Variants in SERINC5 observed in about 807,000 individuals in gnomAD.
SERINC5 encodes the protein serine incorporator 5, also known as chromosome 5 open reading frame 12.
In SERINC5, 41 loss-of-function variants were observed where a neutral mutation model predicts 63.1. The ratio of observed to expected loss-of-function variants is 0.65; its 90% CI spans 0.51 to 0.84. SERINC5 has a LOEUF of 0.84. Among genes scored for constraint, SERINC5 ranks in the 40% least tolerant of loss-of-function variants. The pLI is 0.00. For synonymous variants in SERINC5, 222 were observed against 215.2 expected, an observed-to-expected ratio of 1.03 and a Z score of -0.28; for missense variants, 523 against 573.0, an observed-to-expected ratio of 0.91 and a Z score of 0.89.
chr5:80,198,234 T>C (rs1404716233), intron 2 of SERINC5, among the ~76,000 whole-genome samples: 1 of 152,146 alleles, frequency 6.6e-6, no homozygotes, highest in East Asian at 1.9e-4. Flanking sequence ...GCAAAATAAA[T>C]AGCCCTTATG....
chr5:80,123,769 C>T (rs2112239452), intron 11 of SERINC5, among the ~76,000 whole-genome samples: 1 of 152,298 alleles, frequency 6.6e-6, no homozygotes, highest in South Asian at 2.1e-4. Flanking sequence ...CAGGGTCCAT[C>T]AGTATTGACC....
intron 1 of SERINC5, among the ~76,000 whole-genome samples, chr5:80,247,502 T>G (rs1752216620): frequency 6.6e-6 from 1 of 152,186 alleles, no homozygotes; most frequent in African/African-American, 2.4e-5. Context: ...TCAGACTTGC[T>G]GCAGTCCAAA....
chr5:80,175,700 C>G (rs1433069497), intron 4 of SERINC5, among the ~76,000 whole-genome samples: 1 of 151,246 alleles, frequency 6.6e-6, no homozygotes, highest in African/African-American at 2.4e-5. Flanking sequence ...GAAACCCTGA[C>G]TCTACTTAAA....
At chr5:80,153,276 G>T (rs6894288) in intron 8 of SERINC5, among the ~76,000 whole-genome samples, 30,525 of 151,834 alleles carry the variant, frequency 0.2, 3,160 homozygotes, top group South Asian at 0.33. Context: ...TAGCCAACAT[G>T]GTGAGACCCT....
chr5:80,227,221 A>C (rs184233077), intron 1 of SERINC5, among the ~76,000 whole-genome samples: 1 of 152,320 alleles, frequency 6.6e-6, no homozygotes. Flanking sequence ...TAATCAGAAA[A>C]AATTTTATAA....
rs370455555 is a variant in SERINC5 at position 80,178,872 on chromosome 5, ACACT to A, written c.196-812_196-809del. ...ATGTGTGTGTATACATATATACAACACACTCACATATACATATACATACACAACA... is the reference window on the plus strand; with the variant it reads ...ATGTGTGTGTATACATATATACAACACACATATACATATACATACACAACA... On this transcript the variant is annotated intron_variant, in intron 2 of 11. Transcript: ENST00000507668. Among the ~76,000 whole-genome samples the A allele has an allele frequency of 8.9e-3, 1,353 of 152,250 alleles. 15 individuals carry two copies. The highest frequency in any genetic ancestry group is 0.031 in the African/African-American group (1,279 of 41,528).
chr5:80,236,714 CG>C (rs1278734445), intron 1 of SERINC5, among the ~76,000 whole-genome samples: 1 of 151,698 alleles, frequency 6.6e-6, no homozygotes, highest in East Asian at 1.9e-4. Flanking sequence ...TCAGTAGAGG[CG>C]GGGGTTTCAC....
chr5:80,142,542 T>C lies in SERINC5; in HGVS notation c.*1121A>G. On this transcript the variant is annotated 3_prime_UTR_variant, in exon 12 of 12. Coordinates refer to ENST00000507668, the MANE Select transcript of SERINC5 (RefSeq NM_001174072.3). ...TTCCACACATTGCCTAACAAGCTTCTTCTGGTCAGTGTGTCTGAGATCCTC... is the reference window on the plus strand; with the variant it reads ...TTCCACACATTGCCTAACAAGCTTCCTCTGGTCAGTGTGTCTGAGATCCTC... The C allele has an allele frequency of 5.1e-6, 5 of 985,456 alleles. No individual in the cohort carries two copies. The highest frequency in any genetic ancestry group is 4.8e-6 in the Non-Finnish European group (4 of 829,948). The allele number at this position is 985,456 out of a possible 1,614,324, so 61.0% of individuals were successfully genotyped here. A position where few individuals can be genotyped will look rare whatever the true frequency, so the allele number is the denominator to read the frequency against.
Position 80,141,150 on chromosome 5 carries a change from T to A in SERINC5, c.*2513A>T, listed in dbSNP as rs1042635127. 66 of 985,178 alleles carry A rather than the reference T, an allele frequency of 6.7e-5. No individual in the cohort carries two copies. The highest frequency in any genetic ancestry group is 5.2e-4 in the Middle Eastern group (1 of 1,936). 61.0% of individuals were successfully genotyped at this position (985,178 alleles called of 1,614,324 possible). On this transcript the variant is annotated 3_prime_UTR_variant, in exon 12 of 12. Transcript: ENST00000507668. ...GATAGTCCCTCAATCCTCAGATACATCCACATCTGTTTTGTTCATCCAGAT... is the reference window on the plus strand; with the variant it reads ...GATAGTCCCTCAATCCTCAGATACAACCACATCTGTTTTGTTCATCCAGAT...
At chr5:80,240,342 A>G (rs1751892792) in intron 1 of SERINC5, among the ~76,000 whole-genome samples, 1 of 152,214 alleles carries the variant, frequency 6.6e-6, no homozygotes, top group Admixed American at 6.5e-5. Context: ...TAATTTGAAG[A>G]CTTTTTCAAA....
At chr5:80,166,593 A>G (rs773539337) in intron 6 of SERINC5, 115 bp from the exon 7 acceptor site, 1 of 632,644 alleles carries the variant, frequency 1.6e-6, no homozygotes, top group Non-Finnish European at 2.8e-6. Flanking sequence ...CCACCTTTAA[A>G]GGAAAGAAAA....
intron 11 of SERINC5, among the ~76,000 whole-genome samples, chr5:80,125,828 G>T (rs144955060): frequency 2.0e-5 from 3 of 152,158 alleles, no homozygotes; most frequent in African/African-American, 7.2e-5. Flanking sequence ...ACATGCAGTG[G>T]GTTGGGTAGG....
chr5:80,243,420 C>A (rs1437665610), intron 1 of SERINC5, among the ~76,000 whole-genome samples: 8 of 152,056 alleles, frequency 5.3e-5, no homozygotes, highest in Non-Finnish European at 8.8e-5. Context: ...ACAGGAATTT[C>A]CCCTACTTAA....
At chr5:80,162,423 G>C (rs1284747003) in intron 7 of SERINC5, among the ~76,000 whole-genome samples, 1 of 151,992 alleles carries the variant, frequency 6.6e-6, no homozygotes, top group Non-Finnish European at 1.5e-5. Flanking sequence ...ACCCAGTCTG[G>C]AGTACAGTGG....
rs562203899 is a variant in SERINC5 at position 80,175,034 on chromosome 5, C to T, written c.471G>A (p.Val157=). 120 of 1,593,660 alleles carry T rather than the reference C, an allele frequency of 7.5e-5. 3 individuals are homozygous for T. The South Asian group carries it at 1.3e-3, about 18-fold the overall frequency. The change falls in exon 5 of 12, where the codon GTG becomes GTA. Residue 157 remains valine, a synonymous_variant. Transcript: ENST00000507668. ...TGAAGAGGAAGCCTCCGACGGCTCCCACATAGCGCCAGGCTGCAAAAGACC... is the reference window on the plus strand; with the variant it reads ...TGAAGAGGAAGCCTCCGACGGCTCCTACATAGCGCCAGGCTGCAAAAGACC... ...QDTFLNAWRY[V]GAVGGFLFIG...
At position 80,139,667 on chromosome 5, in the gene SERINC5, C is replaced by A; in HGVS notation, c.*3996G>T. 2.0e-6 allele frequency: 2 copies of A among 985,298 alleles called. No individual in the cohort carries two copies. Among genetic ancestry groups the A allele is most frequent in the Non-Finnish European group, 2.4e-6 (2 of 829,930 alleles). The allele number at this position is 985,298 out of a possible 1,614,324, so 61.0% of individuals were successfully genotyped here. On this transcript the variant is annotated 3_prime_UTR_variant, in exon 12 of 12. Coordinates refer to ENST00000507668, the MANE Select transcript of SERINC5 (RefSeq NM_001174072.3). ...CAGTACTGTGAAGTCAAAGGCCCAA[C>A]ATTACAGAGCGCACCTCTGCCTGAA...
chr5:80,203,158 G>T, intron 1 of SERINC5, 105 bp from the exon 2 acceptor site: 1 of 1,148,944 alleles, frequency 8.7e-7, no homozygotes, highest in Non-Finnish European at 1.3e-6. Context: ...CTACTCGGGG[G>T]GCTGGAGGAT....
At chr5:80,113,574 T>G (rs895274056) in exon 12 of SERINC5, 12 of 260,914 alleles carry the variant, frequency 4.6e-5, no homozygotes, top group Non-Finnish European at 8.4e-5. Flanking sequence ...GGACTTACAG[T>G]TCCACATGGC....
intron 1 of SERINC5, among the ~76,000 whole-genome samples, chr5:80,249,333 A>T (rs2112611605): frequency 6.6e-6 from 1 of 151,974 alleles, no homozygotes; most frequent in Non-Finnish European, 1.5e-5. Context: ...AAAAGAAACC[A>T]TCAAGTTTGA....
Sources: gnomAD v4.1 joint callset for allele counts (sites outside exome capture counted in the v4.1 genomes callset) on GRCh38, gnomAD v4.1.1 for gene constraint, MANE v1.5 for transcripts, NCBI Gene and HGNC (gene_info 2026-07-23, HGNC 2026-07-21) for gene names.